Variants in LRP12 observed in about 807,000 individuals in gnomAD.
LRP12 encodes low-density lipoprotein receptor-related protein 12.
In LRP12, 14 loss-of-function variants were observed where a neutral mutation model predicts 66.0. The observed-to-expected ratio is 0.21, with a 90% CI of 0.14 to 0.33. The LOEUF (loss-of-function observed/expected upper bound fraction) is 0.33, where lower values mean the gene tolerates loss of function less well. LRP12 is among the 10% of genes least tolerant of loss of function. LRP12 has a pLI of 1.00. For synonymous variants in LRP12, 357 were observed against 359.1 expected (o/e 0.99, Z 0.07); for missense variants, 889 against 1,053.4 (o/e 0.84, Z 2.16).
At chr8:104,544,402 G>C (rs2140872886) in intron 1 of LRP12, among the ~76,000 whole-genome samples, 1 of 152,252 alleles carries the variant, frequency 6.6e-6, no homozygotes, top group South Asian at 2.1e-4. Flanking sequence ...AATGAAGGTG[G>C]CTACACGAGG....
At chr8:104,564,854 A>G (rs35394104) in intron 1 of LRP12, among the ~76,000 whole-genome samples, 10,262 of 151,884 alleles carry the variant, frequency 0.068, 401 homozygotes, top group South Asian at 0.08. Context: ...AATCACTTGA[A>G]CCTGGGAAGT....
intron 1 of LRP12, among the ~76,000 whole-genome samples, chr8:104,542,594 TA>T (rs1321993002): frequency 1.3e-5 from 2 of 152,148 alleles, no homozygotes; most frequent in African/African-American, 2.4e-5. Context: ...ACACAGGGGT[TA>T]GGGGTGCTAA....
At chr8:104,566,442 GC>G in intron 1 of LRP12, 1 of 222,482 alleles carries the variant, frequency 4.5e-6, no homozygotes, top group East Asian at 1.1e-4. Flanking sequence ...ATTACTAAAT[GC>G]CTTTGGTGGG....
intron 1 of LRP12, among the ~76,000 whole-genome samples, chr8:104,546,698 GA>G (rs918205318): frequency 2.7e-5 from 4 of 150,802 alleles, no homozygotes; most frequent in Admixed American, 6.6e-5. Flanking sequence ...GGCTTCTTTT[GA>G]AAAAAAATTA....
intron 2 of LRP12, among the ~76,000 whole-genome samples, chr8:104,527,944 C>G (rs554976197): frequency 1.3e-5 from 2 of 152,174 alleles, no homozygotes; most frequent in Non-Finnish European, 2.9e-5. Context: ...TACTTCCACC[C>G]TCCTTGGCAC....
At chr8:104,524,215 C>A (rs1811193663) in intron 2 of LRP12, among the ~76,000 whole-genome samples, 1 of 142,934 alleles carries the variant, frequency 7.0e-6, no homozygotes, top group African/African-American at 2.6e-5. Flanking sequence ...GCACTCCAGC[C>A]TGGGTGACAA....
At chr8:104,580,564 T>C (rs2140900523) in intron 1 of LRP12, among the ~76,000 whole-genome samples, 1 of 151,110 alleles carries the variant, frequency 6.6e-6, no homozygotes, top group Non-Finnish European at 1.5e-5. Context: ...AAAAAATTAA[T>C]CTAAATCTAT....
chr8:104,580,389 G>C (rs1812230708), intron 1 of LRP12, among the ~76,000 whole-genome samples: 1 of 150,910 alleles, frequency 6.6e-6, no homozygotes, highest in South Asian at 2.1e-4. Context: ...AATTAGCCGG[G>C]CATGGTGGTG....
intron 1 of LRP12, among the ~76,000 whole-genome samples, chr8:104,578,386 T>C (rs1812198677): frequency 6.6e-6 from 1 of 152,060 alleles, no homozygotes; most frequent in African/African-American, 2.4e-5. Context: ...AACTCTGAAA[T>C]TAAGTCAGTA....
chr8:104,551,796 CCCTTCTTTCTTCTCT>C (rs1357269089), intron 1 of LRP12, among the ~76,000 whole-genome samples: 3 of 152,118 alleles, frequency 2.0e-5, no homozygotes, highest in Non-Finnish European at 2.9e-5. Flanking sequence ...AGTCCTTCTC[CCCTTCTTTCTTCTCT>C]CCTTCCTTTT....
At chr8:104,532,795 C>T (rs1811345675) in intron 1 of LRP12, among the ~76,000 whole-genome samples, 1 of 152,080 alleles carries the variant, frequency 6.6e-6, no homozygotes, top group African/African-American at 2.4e-5. Context: ...ATTGCACCCC[C>T]CACCCCAATG....
chr8:104,576,632 C>G (rs1441840948), intron 1 of LRP12, among the ~76,000 whole-genome samples: 3 of 152,134 alleles, frequency 2.0e-5, no homozygotes, highest in African/African-American at 7.2e-5. Context: ...GAAGGAAGGA[C>G]CATTACCAGC....
intron 1 of LRP12, among the ~76,000 whole-genome samples, chr8:104,547,230 T>A: frequency 7.3e-6 from 1 of 136,286 alleles, no homozygotes; most frequent in African/African-American, 2.8e-5. Context: ...CTGTTATATT[T>A]TGTATATAAT....
rs548498019 is a variant in LRP12 at position 104,509,250 on chromosome 8, C to T, written c.137-176G>A. Among the ~76,000 whole-genome samples, 28 of 152,302 alleles carry T rather than the reference C, an allele frequency of 1.8e-4. No homozygotes were observed. In the South Asian group the frequency reaches 5.6e-3, roughly 30 times the overall value. On this transcript the variant is annotated intron_variant, in intron 2 of 6. Coordinates refer to ENST00000276654, the MANE Select transcript of LRP12 (RefSeq NM_013437.5). ...CTAATGAGATATTTCAATTTTCTCC[C>T]TTTTAGATAAAGTCCCTTATTCCAA...
intron 3 of LRP12, chr8:104,508,159 G>C (rs180722449): frequency 1.3e-5 from 2 of 151,984 alleles, no homozygotes; most frequent in African/African-American, 4.8e-5. Context: ...TTCTTCATTC[G>C]GGCTATTTTT....
chr8:104,519,664 T>C (rs375693798), intron 2 of LRP12, among the ~76,000 whole-genome samples: 1 of 151,906 alleles, frequency 6.6e-6, no homozygotes, highest in East Asian at 1.9e-4. Flanking sequence ...TAACTATGAC[T>C]TGAAAGACAA....
At chr8:104,585,393 T>G (rs1812314089) in intron 1 of LRP12, among the ~76,000 whole-genome samples, 1 of 152,098 alleles carries the variant, frequency 6.6e-6, no homozygotes, top group African/African-American at 2.4e-5. Flanking sequence ...ACCTGGCTAA[T>G]TTTTGTATTT....
intron 1 of LRP12, among the ~76,000 whole-genome samples, chr8:104,586,804 T>C (rs753529787): frequency 3.3e-5 from 5 of 152,114 alleles, no homozygotes; most frequent in Non-Finnish European, 7.4e-5. Flanking sequence ...TCTGCTGATA[T>C]AGTTTAATGT....
chr8:104,579,242 T>C (rs943320869), intron 1 of LRP12, among the ~76,000 whole-genome samples: 5 of 152,082 alleles, frequency 3.3e-5, no homozygotes, highest in Non-Finnish European at 2.9e-5. Flanking sequence ...TCACAGGATA[T>C]AAAATCAATG....
Sources: gnomAD v4.1 joint callset for allele counts (sites outside exome capture counted in the v4.1 genomes callset) on GRCh38, gnomAD v4.1.1 for gene constraint, MANE v1.5 for transcripts, NCBI Gene and HGNC (gene_info 2026-07-23, HGNC 2026-07-21) for gene names.